DLGAP1: variants seen among roughly 807,000 people sequenced by gnomAD.
DLGAP1 encodes disks large-associated protein 1.
In DLGAP1, 11 loss-of-function variants were observed where a neutral mutation model predicts 90.8. The observed-to-expected ratio is 0.12, with a 90% CI of 0.08 to 0.20. DLGAP1 has a LOEUF of 0.20. Ranked by LOEUF, DLGAP1 falls within the 10% of genes least tolerant of loss-of-function variation. The pLI, the probability that DLGAP1 is intolerant of heterozygous loss-of-function variation, is 1.00. For missense variants in DLGAP1, 1,050 were observed against 1,333.8 expected (o/e 0.79, Z 3.31); for synonymous variants, 558 against 540.7 (o/e 1.03, Z -0.44).
intron 1 of DLGAP1, among the ~76,000 whole-genome samples, chr18:4,176,748 C>T (rs1568497): frequency 0.033 from 5,049 of 152,244 alleles, 306 homozygotes; most frequent in African/African-American, 0.12. Flanking sequence ...GAACCCTCTG[C>T]TTCTCTATTG....
chr18:3,656,286 G>T, intron 7 of DLGAP1: 1 of 533,830 alleles, frequency 1.9e-6, no homozygotes, highest in Non-Finnish European at 3.2e-6. Flanking sequence ...GTCTTAACTA[G>T]GTCTCATGGA....
chr18:3,945,671 T>A (rs1428677261), intron 3 of DLGAP1, among the ~76,000 whole-genome samples: 7 of 152,202 alleles, frequency 4.6e-5, no homozygotes, highest in Non-Finnish European at 1.0e-4. Flanking sequence ...TTGGGAGATA[T>A]ACCTAATGCT....
chr18:3,803,047 G>T (rs2066386209), intron 5 of DLGAP1, among the ~76,000 whole-genome samples: 1 of 152,108 alleles, frequency 6.6e-6, no homozygotes, highest in South Asian at 2.1e-4. Flanking sequence ...TGACTTTTTG[G>T]GAGGAAGAAG....
intron 1 of DLGAP1, among the ~76,000 whole-genome samples, chr18:4,316,138 T>C (rs923837091): frequency 6.6e-6 from 1 of 152,336 alleles, no homozygotes; most frequent in East Asian, 1.9e-4. Flanking sequence ...CAGAAGCCTA[T>C]TTCTTAAGCC....
chr18:3,601,957 G>A (rs971969771), intron 7 of DLGAP1, among the ~76,000 whole-genome samples: 10 of 151,374 alleles, frequency 6.6e-5, no homozygotes, highest in Non-Finnish European at 1.5e-4. Context: ...TGCAGTGAGT[G>A]GAGATCGGGC....
chr18:3,817,725 G>A (rs961772929), intron 4 of DLGAP1, among the ~76,000 whole-genome samples: 30 of 152,220 alleles, frequency 2.0e-4, no homozygotes, highest in African/African-American at 7.2e-4. Context: ...GGCCCAAAGA[G>A]TGAAATGTTA....
chr18:4,114,056 CTTTTTTT>C (rs58180172), intron 2 of DLGAP1, among the ~76,000 whole-genome samples: 11 of 106,906 alleles, frequency 1.0e-4, no homozygotes, highest in Admixed American at 1.9e-4. Context: ...ATGCCTCTGG[CTTTTTTT>C]TTTTTTTTTT....
chr18:3,631,430 T>C (rs2058520473), intron 7 of DLGAP1, among the ~76,000 whole-genome samples: 1 of 152,212 alleles, frequency 6.6e-6, no homozygotes, highest in Non-Finnish European at 1.5e-5. Context: ...TACTGGGTTA[T>C]ATGTATTTTT....
At chr18:4,235,294 A>G (rs1171405451) in intron 1 of DLGAP1, among the ~76,000 whole-genome samples, 2 of 152,194 alleles carry the variant, frequency 1.3e-5, no homozygotes. Context: ...TTAAAAATTC[A>G]AAAAGTGCAT....
chr18:3,602,321 C>G (rs1397587436), intron 7 of DLGAP1, among the ~76,000 whole-genome samples: 1 of 152,056 alleles, frequency 6.6e-6, no homozygotes, highest in Non-Finnish European at 1.5e-5. Flanking sequence ...TTTGGCCGGG[C>G]GCGGTGGCTC....
intron 2 of DLGAP1, among the ~76,000 whole-genome samples, chr18:4,101,659 C>T (rs1390003691): frequency 1.3e-5 from 2 of 151,682 alleles, no homozygotes; most frequent in Non-Finnish European, 2.9e-5. Flanking sequence ...CTGTGTACTG[C>T]AGTCTTGCTG....
intron 5 of DLGAP1, among the ~76,000 whole-genome samples, chr18:3,788,685 C>T (rs1316459808): frequency 2.6e-5 from 4 of 152,138 alleles, no homozygotes; most frequent in African/African-American, 9.7e-5. Context: ...CAGGGTCGGG[C>T]TTGGCAATCC....
At chr18:4,341,914 C>CT (rs1172726756) in intron 1 of DLGAP1, among the ~76,000 whole-genome samples, 1 of 151,914 alleles carries the variant, frequency 6.6e-6, no homozygotes, top group African/African-American at 2.4e-5. Flanking sequence ...AAACTGATAT[C>CT]TCTCTTTCTC....
chr18:4,254,331 A>C (rs1290263106), intron 1 of DLGAP1, among the ~76,000 whole-genome samples: 1 of 152,190 alleles, frequency 6.6e-6, no homozygotes, highest in African/African-American at 2.4e-5. Flanking sequence ...TTAGAGATGG[A>C]CCAACCGGTC....
At position 3,901,172 on chromosome 18, in the gene DLGAP1, C is replaced by T. The variant is rs576570423; in HGVS notation, c.-72-21032G>A. ...ACCCACCCTGGCTCCCTGTTCTTTA[C>T]GACTTTGAGGATGGTGCTTACGTCC... On this transcript the variant is annotated intron_variant, in intron 3 of 12. Transcript: ENST00000315677. 4.6e-5 allele frequency among the ~76,000 whole-genome samples: 7 copies of T among 152,230 alleles called. No individual in the cohort carries two copies. The East Asian group carries it at 5.8e-4, about 13-fold the overall frequency.
At chr18:3,606,158 A>G (rs1317948389) in intron 7 of DLGAP1, among the ~76,000 whole-genome samples, 1 of 152,172 alleles carries the variant, frequency 6.6e-6, no homozygotes, top group Non-Finnish European at 1.5e-5. Flanking sequence ...TGTGCAGACA[A>G]AACTATCCTA....
chr18:3,600,827 GAT>G (rs374064476), intron 7 of DLGAP1, among the ~76,000 whole-genome samples: 601 of 11,996 alleles, frequency 0.05, 37 homozygotes, highest in African/African-American at 0.1. Flanking sequence ...TAGATATATA[GAT>G]ATATATAGAT....
intron 1 of DLGAP1, among the ~76,000 whole-genome samples, chr18:4,305,046 T>A (rs977309490): frequency 6.6e-6 from 1 of 152,176 alleles, no homozygotes; most frequent in African/African-American, 2.4e-5. Flanking sequence ...GACTAATAAA[T>A]ATTAATTCAT....
At chr18:3,831,167 G>T (rs1189001138) in intron 4 of DLGAP1, among the ~76,000 whole-genome samples, 2 of 152,126 alleles carry the variant, frequency 1.3e-5, no homozygotes, top group African/African-American at 2.4e-5. Context: ...GTTGGATGTT[G>T]CTGTGGAGAT....
Sources: allele counts gnomAD v4.1 joint callset (sites outside exome capture counted in the v4.1 genomes callset), GRCh38; gene constraint gnomAD v4.1.1; transcripts MANE v1.5; gene names NCBI Gene and HGNC (gene_info 2026-07-23, HGNC 2026-07-21).